The following CEP164 variants were observed in gnomAD, a reference collection of about 807,000 sequenced individuals.
CEP164 encodes centrosomal protein of 164 kDa.
In CEP164, 162 loss-of-function variants were observed where a neutral mutation model predicts 182.7. The ratio of observed to expected loss-of-function variants is 0.89; its 90% CI spans 0.78 to 1.01. The LOEUF (loss-of-function observed/expected upper bound fraction) is 1.01, where lower values mean the gene tolerates loss of function less well. CEP164 is among the 50% of genes least tolerant of loss of function. The pLI is 0.00. For missense variants in CEP164, 1,735 were observed against 1,790.4 expected (o/e 0.97, Z 0.56); for synonymous variants, 661 against 690.0 (o/e 0.96, Z 0.66).
chr11:117,357,712 G>A (rs937399696), intron 5 of CEP164, among the ~76,000 whole-genome samples: 2 of 152,154 alleles, frequency 1.3e-5, no homozygotes, highest in Non-Finnish European at 2.9e-5. Context: ...GTGAACTGCC[G>A]TGCCTGGGCT....
chr11:117,398,734 C>T (rs1410345717), intron 27 of CEP164, among the ~76,000 whole-genome samples: 1 of 152,210 alleles, frequency 6.6e-6, no homozygotes. Flanking sequence ...TTAGCAATGG[C>T]TGGAGTGGCT....
intron 27 of CEP164, 44 bp downstream of exon 27, chr11:117,397,357 G>C (rs1263506680): frequency 1.3e-6 from 2 of 1,567,214 alleles, no homozygotes; most frequent in East Asian, 4.6e-5. Flanking sequence ...TGTGGGGGAG[G>C]CGGGGGGAGT....
intron 27 of CEP164, among the ~76,000 whole-genome samples, chr11:117,398,553 T>A (rs539573): frequency 0.053 from 8,037 of 152,316 alleles, 270 homozygotes; most frequent in African/African-American, 0.059. Context: ...TGTAGCAGAC[T>A]TTTTTCTGGG....
intron 28 of CEP164, chr11:117,408,679 C>T: frequency 1.6e-6 from 1 of 620,286 alleles, no homozygotes; most frequent in Non-Finnish European, 2.7e-6. Flanking sequence ...AGGGCGACAG[C>T]CTACATACCA....
chr11:117,394,531 C>A lies in CEP164; in HGVS notation c.2760+38C>A. On this transcript the variant is annotated intron_variant, in intron 21 of 32. Transcript: ENST00000278935. The surrounding 1 kb of genome is among the most constrained non-coding windows in gnomAD (Gnocchi z 4.0). Reference sequence around the variant, plus strand: ...GGGCAGGGTGAGCCCACTGTGACCCCTCCATGCACAGTAGGAAGGTGCTGG... The same window carrying A: ...GGGCAGGGTGAGCCCACTGTGACCCATCCATGCACAGTAGGAAGGTGCTGG... 1 of 1,608,808 alleles carries A rather than the reference C, an allele frequency of 6.2e-7. No individual in the cohort carries two copies. The highest frequency in any genetic ancestry group is 8.5e-7 in the Non-Finnish European group (1 of 1,177,954).
intron 10 of CEP164, 98 bp downstream of exon 10, chr11:117,373,929 T>C: frequency 9.7e-7 from 1 of 1,027,420 alleles, no homozygotes; most frequent in Non-Finnish European, 1.5e-6. Flanking sequence ...AGCTTATAAG[T>C]GGGAGAATTT....
intron 4 of CEP164, among the ~76,000 whole-genome samples, chr11:117,346,871 T>C (rs1342393447): frequency 6.6e-6 from 1 of 151,994 alleles, no homozygotes; most frequent in Non-Finnish European, 1.5e-5. Context: ...CAAAAACAAA[T>C]AAAATGAGTC....
At chr11:117,341,924 T>C (rs561473) in intron 3 of CEP164, among the ~76,000 whole-genome samples, 34,737 of 151,964 alleles carry the variant, frequency 0.23, 4,121 homozygotes, top group African/African-American at 0.28. Context: ...ATTTTTATTA[T>C]TGTTATTATT....
chr11:117,412,024 T>G (rs765721958), intron 32 of CEP164, 48 bp from the exon 33 acceptor site: 4 of 1,611,906 alleles, frequency 2.5e-6, no homozygotes, highest in Non-Finnish European at 3.4e-6. Flanking sequence ...TCATGGCCCC[T>G]GCCTGGCTAT....
At chr11:117,347,950 G>T (rs2039130460) in intron 4 of CEP164, among the ~76,000 whole-genome samples, 1 of 151,994 alleles carries the variant, frequency 6.6e-6, no homozygotes, top group Non-Finnish European at 1.5e-5. Flanking sequence ...CTGTACTGAA[G>T]TTGGTTTGTT....
At position 117,373,782 on chromosome 11, in the gene CEP164, C is replaced by T. The variant is rs1263019720; in HGVS notation, c.1184C>T (p.Pro395Leu). 3 of 1,614,168 alleles carry T rather than the reference C, an allele frequency of 1.9e-6. No individual in the cohort carries two copies. The highest frequency in any genetic ancestry group is 2.5e-6 in the Non-Finnish European group (3 of 1,180,024). Residue 395 changes from proline to leucine, a missense_variant, in exon 10 of 33, where the codon CCA becomes CTA. Pro to Leu is a moderately conservative substitution (Grantham distance 98, BLOSUM62 -3). Coordinates refer to ENST00000278935, the MANE Select transcript of CEP164 (RefSeq NM_014956.5). ...GAAATTAGTGAACACATGAAGGAAC[C>T]ACAGCTCTCAGACTCCATAGCTTCT... ...ELEISEHMKE[P>L]QLSDSIASDP...
At chr11:117,362,621 A>T in intron 7 of CEP164, 83 bp downstream of exon 7, 2 of 1,479,576 alleles carry the variant, frequency 1.4e-6, no homozygotes, top group Non-Finnish European at 1.8e-6. Flanking sequence ...TGTGATAGAA[A>T]AAATATGTAA....
At chr11:117,366,199 G>C (rs924235253) in intron 8 of CEP164, among the ~76,000 whole-genome samples, 1 of 151,986 alleles carries the variant, frequency 6.6e-6, no homozygotes, top group Non-Finnish European at 1.5e-5. Context: ...GCCTCTGCTT[G>C]GTCCCTGCTC....
upstream of CEP164, among the ~76,000 whole-genome samples, chr11:117,326,926 T>C (rs879698388): frequency 6.6e-6 from 1 of 152,210 alleles, no homozygotes. Context: ...CTCTAGGAGG[T>C]TGGAGACATA....
At position 117,356,302 on chromosome 11, in the gene CEP164, G is replaced by T. The variant is rs529749943; in HGVS notation, c.393+4314G>T. 4.1e-5 allele frequency: 46 copies of T among 1,119,784 alleles called. No individual in the cohort carries two copies. The African/African-American group carries it at 6.5e-4, about 16-fold the overall frequency. 69.4% of individuals were successfully genotyped at this position (1,119,784 alleles called of 1,614,324 possible). On this transcript the variant is annotated intron_variant, in intron 5 of 32. Transcript: ENST00000278935. Reference sequence around the variant, plus strand: ...CCAGGTGGCCGGAGGGCCTGGGGCTGCCTGAGAGCATGCAGGACATGCCGT... The same window carrying T: ...CCAGGTGGCCGGAGGGCCTGGGGCTTCCTGAGAGCATGCAGGACATGCCGT...
intron 2 of CEP164, among the ~76,000 whole-genome samples, chr11:117,337,538 A>G (rs57501989): frequency 3.3e-5 from 5 of 150,926 alleles, no homozygotes; most frequent in African/African-American, 4.9e-5. Context: ...AAATATATAC[A>G]TATGTGAATT....
At chr11:117,338,723 G>T (rs1183266441) in intron 3 of CEP164, 55 bp downstream of exon 3, 3 of 1,325,980 alleles carry the variant, frequency 2.3e-6, no homozygotes, top group African/African-American at 1.4e-5. Flanking sequence ...TTGAGGACAG[G>T]GATTGTCTGG....
At position 117,330,093 on chromosome 11, in the gene CEP164, C is replaced by T. The variant is rs970262150; in HGVS notation, c.-98+2189C>T. Reference sequence around the variant, plus strand: ...TCCTCTGCCGTGAATTCCCTTACTCCGCTTATCCTGGGGATCACCTGCTTA... The same window carrying T: ...TCCTCTGCCGTGAATTCCCTTACTCTGCTTATCCTGGGGATCACCTGCTTA... On this transcript the variant is annotated intron_variant, in intron 1 of 32. Coordinates refer to ENST00000278935, the MANE Select transcript of CEP164 (RefSeq NM_014956.5). Among the ~76,000 whole-genome samples the T allele has an allele frequency of 4.0e-4, 61 of 152,154 alleles. No individual in the cohort carries two copies. In the Middle Eastern group the frequency reaches 0.01, roughly 25 times the overall value.
chr11:117,333,081 T>G (rs2134756947), intron 1 of CEP164, among the ~76,000 whole-genome samples: 1 of 152,304 alleles, frequency 6.6e-6, no homozygotes, highest in South Asian at 2.1e-4. Flanking sequence ...GGTGTTATCA[T>G]AGCTCACTGT....
Sources: gnomAD v4.1 joint callset for allele counts (sites outside exome capture counted in the v4.1 genomes callset) on GRCh38, gnomAD v4.1.1 for gene constraint, Gnocchi (gnomAD v3.1) non-coding constraint, MANE v1.5 for transcripts, NCBI Gene and HGNC (gene_info 2026-07-23, HGNC 2026-07-21) for gene names.